Variants in CLDN14 observed in about 807,000 individuals in gnomAD.
CLDN14 encodes the protein claudin 14, also known as claudin-14.
In CLDN14, 2 loss-of-function variants were observed where a neutral mutation model predicts 2.1. That is an observed-to-expected ratio of 0.96 (90% CI 0.39 to 3.01). CLDN14 has a LOEUF of 3.01. CLDN14 is among the 30% of genes most tolerant of loss of function. The pLI is 0.09. For missense variants in CLDN14, 298 were observed against 328.0 expected (o/e 0.91, Z 0.71); for synonymous variants, 136 against 154.4 (o/e 0.88, Z 0.88).
At chr21:36,484,650 C>T (rs1303160244), upstream of CLDN14, among the ~76,000 whole-genome samples, 1 of 152,184 alleles carries the variant, frequency 6.6e-6, no homozygotes, top group Non-Finnish European at 1.5e-5. Context: ...TGTCTCTCCT[C>T]ACACGTCGTT....
intron 2 of CLDN14, among the ~76,000 whole-genome samples, chr21:36,490,050 CTT>C (rs1163454026): frequency 6.6e-6 from 1 of 152,228 alleles, no homozygotes; most frequent in Non-Finnish European, 1.5e-5. Flanking sequence ...ATCAGGATGA[CTT>C]TGCTGCGGCC....
chr21:36,511,131 G>A lies in CLDN14; in HGVS notation c.-219-631C>T, dbSNP rs1030755414. 2.0e-5 allele frequency among the ~76,000 whole-genome samples: 3 copies of A among 152,152 alleles called. No homozygotes were observed. In the South Asian group the frequency reaches 6.2e-4, roughly 32 times the overall value. On this transcript the variant is annotated intron_variant, in intron 1 of 2. Transcript: ENST00000342108. The stretch of plus-strand genomic sequence containing the variant: ...GAAACACGGAGGGAGGCAGGCCGGG[G>A]AGCCTCCAACCCCAACAGGTGAAGA...
In CLDN14 at chr21:36,555,470, G is replaced by C. The variant is rs117226328; in HGVS notation, c.-220+20941C>G. On this transcript the variant is annotated intron_variant, in intron 1 of 2. Transcript: ENST00000342108. ...TAAGTTGTAAGAAAACAGGCAGCGTGTTCCAAGGTCGTAAGTTTTCTCAAC... is the reference window on the plus strand; with the variant it reads ...TAAGTTGTAAGAAAACAGGCAGCGTCTTCCAAGGTCGTAAGTTTTCTCAAC... Among the ~76,000 whole-genome samples, 1,022 of 152,350 alleles carry C rather than the reference G, an allele frequency of 6.7e-3. 5 individuals are homozygous for C. Among genetic ancestry groups the C allele is most frequent in the Non-Finnish European group, 8.3e-3 (568 of 68,026 alleles).
chr21:36,539,992 G>A (rs544007597), intron 1 of CLDN14, among the ~76,000 whole-genome samples: 3 of 151,140 alleles, frequency 2.0e-5, no homozygotes. Context: ...TGTGGTATAT[G>A]TGTGTAGTAT....
intron 2 of CLDN14, among the ~76,000 whole-genome samples, chr21:36,485,205 G>T (rs1404850714): frequency 6.6e-6 from 1 of 151,080 alleles, no homozygotes; most frequent in Non-Finnish European, 1.5e-5. Flanking sequence ...GTGAGACTGT[G>T]ATTTTGTTTT....
intron 1 of CLDN14, among the ~76,000 whole-genome samples, chr21:36,555,468 G>A (rs116582743): frequency 1.2e-3 from 190 of 152,358 alleles, no homozygotes; most frequent in African/African-American, 4.4e-3. Context: ...AACAGGCAGC[G>A]TGTTCCAAGG....
chr21:36,468,948 G>A (rs1218054647), intron 1 of CLDN14, among the ~76,000 whole-genome samples: 1 of 151,870 alleles, frequency 6.6e-6, no homozygotes, highest in East Asian at 1.9e-4. Flanking sequence ...TTAGTAGAGA[G>A]ATGGTTTCAC....
chr21:36,477,887 G>A (rs1230244153), intron 1 of CLDN14, among the ~76,000 whole-genome samples: 2 of 152,224 alleles, frequency 1.3e-5, no homozygotes, highest in Non-Finnish European at 2.9e-5. Flanking sequence ...TGCGAGTGAA[G>A]AATCCACAGA....
intron 1 of CLDN14, among the ~76,000 whole-genome samples, chr21:36,462,848 G>C (rs2086595542): frequency 6.6e-6 from 1 of 151,758 alleles, no homozygotes; most frequent in Non-Finnish European, 1.5e-5. Flanking sequence ...AACCAGGAAG[G>C]CTGAGGTTGC....
At chr21:36,497,139 G>C (rs1371997927) in intron 2 of CLDN14, among the ~76,000 whole-genome samples, 1 of 16,858 alleles carries the variant, frequency 5.9e-5, no homozygotes, top group Non-Finnish European at 1.1e-4. Context: ...GGAAGGGAGG[G>C]AGGAAGGGAG....
intron 1 of CLDN14, among the ~76,000 whole-genome samples, chr21:36,554,165 T>G (rs2087582270): frequency 6.6e-6 from 1 of 152,184 alleles, no homozygotes; most frequent in Admixed American, 6.5e-5. Context: ...GTTTCTCTGC[T>G]GTTTTGACAT....
At chr21:36,468,767 C>T (rs2845763) in intron 1 of CLDN14, among the ~76,000 whole-genome samples, 46,620 of 138,558 alleles carry the variant, frequency 0.34, 8,361 homozygotes, top group African/African-American at 0.51. Flanking sequence ...TTCTTTCTTT[C>T]TTTTTTTTTT....
Position 36,570,675 on chromosome 21 carries a change from T to C in CLDN14, c.-220+5736A>G, listed in dbSNP as rs150835655. On this transcript the variant is annotated intron_variant, in intron 1 of 2. Transcript: ENST00000342108. ...AACAAACAATAGATTGGCATAAATA[T>C]AGAAAACTACAAATAATTATTTAAT... Among the ~76,000 whole-genome samples, 311 of 152,332 alleles carry C rather than the reference T, an allele frequency of 2.0e-3. 1 individual carries two copies. Among genetic ancestry groups the C allele is most frequent in the African/African-American group, 6.6e-3 (274 of 41,580 alleles).
intron 2 of CLDN14, among the ~76,000 whole-genome samples, chr21:36,495,395 A>C (rs1016799560): frequency 6.6e-6 from 1 of 152,220 alleles, no homozygotes; most frequent in Non-Finnish European, 1.5e-5. Context: ...TCCTGAATTG[A>C]CTGAATTTTG....
chr21:36,558,762 G>T (rs1033338465), intron 1 of CLDN14, among the ~76,000 whole-genome samples: 46 of 148,106 alleles, frequency 3.1e-4, no homozygotes, highest in East Asian at 1.2e-3. Context: ...ACAAGGTGGG[G>T]TTTTTTTTTT....
At chr21:36,483,433 C>A (rs533751825), upstream of CLDN14, among the ~76,000 whole-genome samples, 24 of 152,346 alleles carry the variant, frequency 1.6e-4, no homozygotes, top group Admixed American at 1.4e-3. Flanking sequence ...CTGGAATGGG[C>A]CTCAGAAAGT....
intron 1 of CLDN14, among the ~76,000 whole-genome samples, chr21:36,548,913 G>T (rs2087544045): frequency 6.6e-6 from 1 of 152,150 alleles, no homozygotes; most frequent in South Asian, 2.1e-4. Flanking sequence ...CCTTCTCCAG[G>T]CTCCCACCAC....
chr21:36,497,980 A>G (rs1334698933), intron 2 of CLDN14, among the ~76,000 whole-genome samples: 1 of 150,486 alleles, frequency 6.6e-6, no homozygotes, highest in Admixed American at 6.6e-5. Flanking sequence ...ACAGGGTGAC[A>G]CTGTTGTCAG....
chr21:36,501,993 G>C (rs2087095858), intron 2 of CLDN14, among the ~76,000 whole-genome samples: 1 of 151,356 alleles, frequency 6.6e-6, no homozygotes, highest in Non-Finnish European at 1.5e-5. Flanking sequence ...CATAGACCCA[G>C]TGCCCAAACC....
Sources: allele counts gnomAD v4.1 joint callset (sites outside exome capture counted in the v4.1 genomes callset), GRCh38; gene constraint gnomAD v4.1.1; transcripts MANE v1.5; gene names NCBI Gene and HGNC (gene_info 2026-07-23, HGNC 2026-07-21).